ZNF362: variants seen among roughly 807,000 people sequenced by gnomAD.
ZNF362 encodes the protein rotund homolog.
Under a neutral mutation model 42.9 loss-of-function variants are expected in ZNF362, and 11 were observed. That is an observed-to-expected ratio of 0.26 (90% confidence interval 0.16 to 0.42). ZNF362 has a LOEUF of 0.42. Among genes scored for constraint, ZNF362 ranks in the 20% least tolerant of loss-of-function variants. ZNF362 has a pLI of 1.00. For missense variants in ZNF362, 362 were observed against 576.2 expected (o/e 0.63, Z 3.81); for synonymous variants, 255 against 257.3 (o/e 0.99, Z 0.09).
At chr1:33,192,309 C>T in the ZNF362 span, among the ~76,000 whole-genome samples, 5 of 152,100 alleles carry the variant, frequency 3.3e-5, no homozygotes, top group African/African-American at 1.2e-4. Flanking sequence ...GTATCTTGTC[C>T]CCCAATTCAT....
the ZNF362 span, among the ~76,000 whole-genome samples, chr1:33,149,309 C>G: frequency 6.6e-6 from 1 of 152,138 alleles, no homozygotes; most frequent in South Asian, 2.1e-4. Flanking sequence ...CGCGCCACCA[C>G]GCCTGGCTAA....
chr1:33,144,038 G>T, the ZNF362 span, among the ~76,000 whole-genome samples: 35 of 152,164 alleles, frequency 2.3e-4, no homozygotes, highest in Non-Finnish European at 4.4e-4. Flanking sequence ...ACAGAAGATA[G>T]TGTCTGATGG....
chr1:33,298,629 G>A (rs1646141583), intron 8 of ZNF362, among the ~76,000 whole-genome samples: 1 of 152,232 alleles, frequency 6.6e-6, no homozygotes, highest in African/African-American at 2.4e-5. Flanking sequence ...TGGCAGACAG[G>A]GCTGAGGTTC....
the ZNF362 span, chr1:33,159,753 C>T: frequency 2.5e-6 from 4 of 1,613,378 alleles, no homozygotes; most frequent in Non-Finnish European, 3.4e-6. This position sits in a 1 kb window ranked among gnomAD's most constrained non-coding sequence, Gnocchi z 4.2. Context: ...GCCGCTCCTG[C>T]AGGATCTGGG....
chr1:33,213,129 C>G, the ZNF362 span, among the ~76,000 whole-genome samples: 4 of 152,056 alleles, frequency 2.6e-5, no homozygotes, highest in Non-Finnish European at 5.9e-5. Flanking sequence ...TTATACTATT[C>G]ATATAAATTT....
the ZNF362 span, among the ~76,000 whole-genome samples, chr1:33,153,344 T>C: frequency 2.0e-5 from 3 of 152,326 alleles, no homozygotes; most frequent in East Asian, 5.8e-4. Flanking sequence ...TGGAGCACAG[T>C]CTGTTCCTCC....
the ZNF362 span, among the ~76,000 whole-genome samples, chr1:33,238,368 A>AAAT: frequency 3.0e-4 from 31 of 103,942 alleles, no homozygotes; most frequent in South Asian, 2.4e-3. Context: ...TAAAATAATA[A>AAAT]AATAAAATAA....
At chr1:33,235,730 G>A in the ZNF362 span, among the ~76,000 whole-genome samples, 1 of 152,206 alleles carries the variant, frequency 6.6e-6, no homozygotes, top group East Asian at 1.9e-4. Context: ...AAACATCAGA[G>A]ATAAGGGAAA....
the ZNF362 span, chr1:33,147,081 G>T: frequency 7.1e-7 from 1 of 1,401,218 alleles, no homozygotes; most frequent in Non-Finnish European, 9.8e-7. The surrounding 1 kb of genome is among the most constrained non-coding windows in gnomAD (Gnocchi z 8.1). Context: ...GGTCTCCAGT[G>T]GCCACGGTGG....
the ZNF362 span, among the ~76,000 whole-genome samples, chr1:33,153,561 A>G: frequency 1.5e-4 from 23 of 152,324 alleles, 1 homozygote; most frequent in South Asian, 4.8e-3. Context: ...CCCTGCAACA[A>G]GGAATGGTCC....
the ZNF362 span, among the ~76,000 whole-genome samples, chr1:33,189,269 A>C: frequency 0.77 from 116,532 of 151,930 alleles, 44,701 homozygotes; most frequent in Non-Finnish European, 0.79. Flanking sequence ...TCATGATTTC[A>C]TAAGTGTGAG....
the ZNF362 span, among the ~76,000 whole-genome samples, chr1:33,140,220 G>A: frequency 2.6e-5 from 4 of 152,198 alleles, no homozygotes; most frequent in African/African-American, 9.7e-5. This position sits in a 1 kb window ranked among gnomAD's most constrained non-coding sequence, Gnocchi z 4.0. Flanking sequence ...TTACGGTGGC[G>A]ATGAAGGAGC....
chr1:33,161,632 G>A, the ZNF362 span, among the ~76,000 whole-genome samples: 7 of 152,126 alleles, frequency 4.6e-5, no homozygotes, highest in Admixed American at 6.5e-5. The surrounding 1 kb of genome is among the most constrained non-coding windows in gnomAD (Gnocchi z 4.3). Context: ...CCAGGCTGCC[G>A]TGGCCTTCCT....
intron 1 of ZNF362, among the ~76,000 whole-genome samples, chr1:33,259,760 G>A (rs1557785600): frequency 1.3e-5 from 2 of 152,204 alleles, no homozygotes; most frequent in South Asian, 2.1e-4. Flanking sequence ...AGCCAGGGCA[G>A]TGTTTGCTGA....
chr1:33,159,677 G>T, the ZNF362 span: 1 of 1,600,872 alleles, frequency 6.2e-7, no homozygotes, highest in Non-Finnish European at 8.5e-7. This position sits in a 1 kb window ranked among gnomAD's most constrained non-coding sequence, Gnocchi z 4.2. Context: ...GCCCCGGCGG[G>T]TGGCACTTAC....
At chr1:33,235,465 C>T in the ZNF362 span, among the ~76,000 whole-genome samples, 1 of 152,220 alleles carries the variant, frequency 6.6e-6, no homozygotes, top group South Asian at 2.1e-4. Context: ...AAACTCCAGG[C>T]TAAGCCTAGC....
chr1:33,247,262 G>A, the ZNF362 span, among the ~76,000 whole-genome samples: 2 of 152,342 alleles, frequency 1.3e-5, no homozygotes, highest in Admixed American at 1.3e-4. Context: ...AGAAAAATAT[G>A]CTCAGGGCAG....
intron 6 of ZNF362, among the ~76,000 whole-genome samples, chr1:33,290,439 A>C (rs1570408274): frequency 6.6e-6 from 1 of 152,138 alleles, no homozygotes; most frequent in East Asian, 1.9e-4. Context: ...TATATGTGCC[A>C]CATTTTCTTA....
At chr1:33,157,823 C>T in the ZNF362 span, among the ~76,000 whole-genome samples, 1 of 151,704 alleles carries the variant, frequency 6.6e-6, no homozygotes, top group Non-Finnish European at 1.5e-5. Flanking sequence ...GTGGCTCAGT[C>T]TCAGCTCACT....
Sources: allele counts gnomAD v4.1 joint callset (sites outside exome capture counted in the v4.1 genomes callset), GRCh38; gene constraint gnomAD v4.1.1; non-coding constraint Gnocchi (gnomAD v3.1); transcripts MANE v1.5; gene names NCBI Gene and HGNC (gene_info 2026-07-23, HGNC 2026-07-21).